Variants in PGA5 observed in about 807,000 individuals in gnomAD.
The protein encoded by PGA5 is pepsin A-5.
PGA5 carries 19 observed loss-of-function variants against 15.9 expected under a neutral mutation model. The ratio of observed to expected loss-of-function variants is 1.19; its 90% CI spans 0.83 to 1.75. The LOEUF is 1.75. PGA5 is among the 40% of genes most tolerant of loss of function. The probability of loss-of-function intolerance (pLI) is 0.00; values close to 1 mark genes in which losing one functional copy is unlikely to be tolerated. For synonymous variants in PGA5, 92 were observed against 95.8 expected, an observed-to-expected ratio of 0.96 and a Z score of 0.23; for missense variants, 224 against 246.4, an observed-to-expected ratio of 0.91 and a Z score of 0.61.
chr11:61,248,428 G>A lies in PGA5; in HGVS notation c.666G>A (p.Lys222=). 1 of 1,613,854 alleles carries A rather than the reference G, an allele frequency of 6.2e-7. No individual in the cohort carries two copies. Among genetic ancestry groups the A allele is most frequent in the Non-Finnish European group, 8.5e-7 (1 of 1,179,868 alleles). ...LFSVYLSADD[K]SGSVVIFGGI... is the part of the protein sequence containing the mutation. ...CCCTCACTTTCCACAGCGATGACAA[G>A]AGTGGCAGCGTGGTGATCTTTGGTG... Residue 222 remains lysine (K), a synonymous_variant, in exon 6 of 9, where the codon AAG becomes AAA. Coordinates refer to ENST00000312403, the MANE Select transcript of PGA5 (RefSeq NM_014224.5).
rs1371014305 is a variant in PGA5, at chr11:61,249,707, G to C, written c.812G>C (p.Gly271Ala). The C allele has an allele frequency of 6.2e-7, 1 of 1,613,440 alleles. No individual in the cohort carries two copies. Among genetic ancestry groups the C allele is most frequent in the Non-Finnish European group, 8.5e-7 (1 of 1,179,824 alleles). ...MNGETIACAE[G>A]CQAIVDTGTS... Reference sequence around the variant, plus strand: ...GGAGAGACCATCGCCTGTGCTGAGGGCTGCCAGGCCATTGTTGACACCGGC... The same window carrying C: ...GGAGAGACCATCGCCTGTGCTGAGGCCTGCCAGGCCATTGTTGACACCGGC... Residue 271 changes from glycine to alanine, a missense_variant, in exon 7 of 9, where the codon GGC becomes GCC. Gly to Ala is a moderately conservative substitution (Grantham distance 60). Transcript: ENST00000312403.
rs1256409103 is a variant in PGA5, at chr11:61,249,816, G to C, written c.918+3G>C. On this transcript the variant is annotated splice_donor_region_variant and intron_variant, in intron 7 of 8. Transcript: ENST00000312403. ...CCAGCGAGAACTCAGATGGCGACGT[G>C]AGTCCAGCCCCGACTGCCCTGTTCT... The C allele has an allele frequency of 6.2e-7, 1 of 1,613,692 alleles. No homozygotes were observed. The highest frequency in any genetic ancestry group is 1.3e-5 in the African/African-American group (1 of 74,804).
chr11:61,250,324 G>A (rs182631680), intron 8 of PGA5, among the ~76,000 whole-genome samples: 5,289 of 150,954 alleles, frequency 0.035, 126 homozygotes, highest in Non-Finnish European at 0.053. Context: ...ACAAGCTACA[G>A]CTCATCTCAC....
Position 61,250,116 on chromosome 11 carries a change from C to G in PGA5, c.1017+102C>G, listed in dbSNP as rs543985099. Reference sequence around the variant, plus strand: ...GTACACTTCCACGAGCTGAAGCCAGCAGGCAGAGGCAGACGAACATCTGCC... The same window carrying G: ...GTACACTTCCACGAGCTGAAGCCAGGAGGCAGAGGCAGACGAACATCTGCC... On this transcript the variant is annotated intron_variant, in intron 8 of 8. Transcript: ENST00000312403. The G allele has an allele frequency of 1.5e-3, 2,135 of 1,418,614 alleles. 11 individuals carry two copies. Among genetic ancestry groups the G allele is most frequent in the South Asian group, 6.1e-3 (498 of 81,842 alleles). 87.9% of individuals were successfully genotyped at this position (1,418,614 alleles called of 1,614,324 possible). A position where few individuals can be genotyped will look rare whatever the true frequency, so the allele number is the denominator to read the frequency against.
At chr11:61,249,575 G>C in intron 6 of PGA5, 94 bp from the exon 7 acceptor site, 1 of 1,606,192 alleles carries the variant, frequency 6.2e-7, no homozygotes, top group Non-Finnish European at 8.5e-7. Context: ...CAATGGATGG[G>C]TGGGGAAGGA....
chr11:61,249,646 C>G, intron 6 of PGA5, 23 bp from the exon 7 acceptor site: 1 of 1,613,640 alleles, frequency 6.2e-7, no homozygotes, highest in Non-Finnish European at 8.5e-7. Context: ...GCTCAGGGAG[C>G]TTAACTTGCT....
intron 5 of PGA5, among the ~76,000 whole-genome samples, chr11:61,247,956 A>G (rs910451103): frequency 6.6e-6 from 1 of 151,904 alleles, no homozygotes; most frequent in Non-Finnish European, 1.5e-5. Context: ...CCCCCACCCA[A>G]TCATGACAAT....
intron 6 of PGA5, 109 bp downstream of exon 6, chr11:61,248,644 A>G: frequency 1.3e-6 from 2 of 1,563,072 alleles, no homozygotes; most frequent in Non-Finnish European, 1.7e-6. Flanking sequence ...CAGCTGGCAC[A>G]GGGGAACACA....
At position 61,250,022 on chromosome 11, in the gene PGA5, G is replaced by C. The variant is rs761024505; in HGVS notation, c.1017+8G>C. ...AGTGCCTACATCCTGCAGGTGAGGA[G>C]GCTCTGGACCATCCACTAGAGAGGT... On this transcript the variant is annotated splice_region_variant and intron_variant, in intron 8 of 8. Transcript: ENST00000312403. 6.2e-7 allele frequency: 1 copy of C among 1,605,984 alleles called. No homozygotes were observed. The highest frequency in any genetic ancestry group is 8.5e-7 in the Non-Finnish European group (1 of 1,177,302).
chr11:61,248,207 C>G (rs772237755), intron 5 of PGA5: 1 of 1,237,518 alleles, frequency 8.1e-7, no homozygotes. Context: ...CCTCACCTCC[C>G]TCAGGCTCAG....
At chr11:61,248,989 T>G (rs546133884) in intron 6 of PGA5, among the ~76,000 whole-genome samples, 29 of 152,224 alleles carry the variant, frequency 1.9e-4, no homozygotes, top group East Asian at 1.3e-3. Context: ...GGGCCTCCCC[T>G]GTCTCCCTGG....
Position 61,247,787 on chromosome 11 carries a change from G to T in PGA5, c.657-632G>T, listed in dbSNP as rs1054566006. Among the ~76,000 whole-genome samples, 19 of 152,108 alleles carry T rather than the reference G, an allele frequency of 1.2e-4. No homozygotes were observed. The East Asian group carries it at 3.5e-3, about 28-fold the overall frequency. On this transcript the variant is annotated intron_variant, in intron 5 of 8. Transcript: ENST00000312403. ...TGAGCACTTAAATATTTCATGTGGG[G>T]CCATTGTATCTCCCCAGCCAGATCC...
At chr11:61,249,625 A>C in intron 6 of PGA5, 44 bp from the exon 7 acceptor site, 320 of 1,611,534 alleles carry the variant, frequency 2.0e-4, no homozygotes, top group Non-Finnish European at 2.4e-4. Context: ...TGGAGAGATG[A>C]ACCCCTGAGG....
At chr11:61,248,313 G>T (rs757663162) in intron 5 of PGA5, 106 bp from the exon 6 acceptor site, 1 of 1,613,420 alleles carries the variant, frequency 6.2e-7, no homozygotes, top group Non-Finnish European at 8.5e-7. Context: ...CCCCAGGACA[G>T]CCCTGGAAAG....
At position 61,249,815 on chromosome 11, in the gene PGA5, T is replaced by G. The variant is rs752012559; in HGVS notation, c.918+2T>G. The G allele has an allele frequency of 6.2e-7, 1 of 1,613,516 alleles. No homozygotes were observed. Among genetic ancestry groups the G allele is most frequent in the African/African-American group, 1.3e-5 (1 of 74,642 alleles). On this transcript the variant is annotated splice_donor_variant, in intron 7 of 8. Coordinates refer to ENST00000312403, the MANE Select transcript of PGA5 (RefSeq NM_014224.5). LOFTEE classifies it high-confidence loss of function. ...GCCAGCGAGAACTCAGATGGCGACG[T>G]GAGTCCAGCCCCGACTGCCCTGTTC...
chr11:61,251,344 G>A lies in PGA5; in HGVS notation c.*63G>A. 2 of 1,610,688 alleles carry A rather than the reference G, an allele frequency of 1.2e-6. No homozygotes were observed. The highest frequency in any genetic ancestry group is 1.3e-5 in the African/African-American group (1 of 74,730). ...CCTCCGTCCTATGCCCACTTTAGAT[G>A]TATCTAATTCTCCTGACTGTTCTTC... On this transcript the variant is annotated 3_prime_UTR_variant, in exon 9 of 9. Transcript: ENST00000312403.
chr11:61,245,957 C>T lies in PGA5; in HGVS notation c.468C>T (p.Ile156=), dbSNP rs770930637. The T allele has an allele frequency of 4.0e-6, 1 of 252,812 alleles. No homozygotes were observed. The highest frequency in any genetic ancestry group is 6.8e-6 in the Non-Finnish European group (1 of 146,018). 15.7% of individuals were successfully genotyped at this position (252,812 alleles called of 1,614,324 possible). A position where few individuals can be genotyped will look rare whatever the true frequency, so the allele number is the denominator to read the frequency against. The change falls in exon 5 of 9, where the codon ATC becomes ATT. Residue 156 remains isoleucine (I), a synonymous_variant. Coordinates refer to ENST00000312403, the MANE Select transcript of PGA5 (RefSeq NM_014224.5). ...LGYDTVQVGG[I]SDTNQIFGLS... The stretch of plus-strand genomic sequence containing the variant: ...GTTTCCCCACCCAGGTTGGAGGCAT[C>T]TCTGACACCAATCAGATCTTCGGCC...
intron 6 of PGA5, 59 bp from the exon 7 acceptor site, chr11:61,249,610 C>T: frequency 1.2e-6 from 2 of 1,613,318 alleles, no homozygotes; most frequent in Non-Finnish European, 1.7e-6. Flanking sequence ...CTCCTGGTTC[C>T]TCCTTGGAGA....
rs1363054130 is a variant in PGA5 at position 61,246,177 on chromosome 11, C to G, written c.656+32C>G. The G allele has an allele frequency of 1.5e-5, 5 of 338,380 alleles. No homozygotes were observed. In the Admixed American group the frequency reaches 2.3e-4, roughly 16 times the overall value. 21.0% of individuals were successfully genotyped at this position (338,380 alleles called of 1,614,324 possible). A position where few individuals can be genotyped will look rare whatever the true frequency, so the allele number is the denominator to read the frequency against. On this transcript the variant is annotated intron_variant, in intron 5 of 8. Transcript: ENST00000312403. Reference sequence around the variant, plus strand: ...TGAGTGGAGAGGGGCCTCCTCCCACCTCCCCCTCCAGAGGTCACAGTGTTC... The same window carrying G: ...TGAGTGGAGAGGGGCCTCCTCCCACGTCCCCCTCCAGAGGTCACAGTGTTC...
Sources: allele counts gnomAD v4.1 joint callset (sites outside exome capture counted in the v4.1 genomes callset), GRCh38; gene constraint gnomAD v4.1.1; transcripts MANE v1.5; gene names NCBI Gene and HGNC (gene_info 2026-07-23, HGNC 2026-07-21).